NUBPL: variants seen among roughly 807,000 people sequenced by gnomAD.
The protein encoded by NUBPL is iron-sulfur cluster transfer protein NUBPL.
Under a neutral mutation model 45.7 loss-of-function variants are expected in NUBPL, and 31 were observed. The observed-to-expected ratio is 0.68, with a 90% CI of 0.51 to 0.92. The LOEUF (loss-of-function observed/expected upper bound fraction) is 0.92, where lower values mean the gene tolerates loss of function less well. Among genes scored for constraint, NUBPL ranks in the 40% least tolerant of loss-of-function variants. The pLI is 0.00. For missense variants in NUBPL, 401 were observed against 398.7 expected (o/e 1.01, Z -0.05); for synonymous variants, 144 against 140.9 (o/e 1.02, Z -0.15).
intron 9 of NUBPL, among the ~76,000 whole-genome samples, chr14:31,849,348 C>T (rs1047982733): frequency 1.3e-5 from 2 of 152,140 alleles, no homozygotes; most frequent in African/African-American, 4.8e-5. Flanking sequence ...ACTCCACTCA[C>T]TGTGCTTTAA....
At chr14:31,764,648 G>A (rs2038877933) in intron 6 of NUBPL, among the ~76,000 whole-genome samples, 1 of 152,174 alleles carries the variant, frequency 6.6e-6, no homozygotes, top group African/African-American at 2.4e-5. Flanking sequence ...AGATTATTAT[G>A]AGCAAGTCTA....
At chr14:31,679,572 T>A (rs528377654) in intron 6 of NUBPL, among the ~76,000 whole-genome samples, 2 of 152,330 alleles carry the variant, frequency 1.3e-5, no homozygotes, top group East Asian at 1.9e-4. Flanking sequence ...ATTAACCGTA[T>A]GTGTATCATC....
chr14:31,760,110 T>C (rs1323199215), intron 6 of NUBPL, among the ~76,000 whole-genome samples: 1 of 137,680 alleles, frequency 7.3e-6, no homozygotes, highest in Admixed American at 7.7e-5. Context: ...TCTATTACTC[T>C]ATTACTTCTG....
chr14:31,668,197 G>A (rs192969699), intron 4 of NUBPL, among the ~76,000 whole-genome samples: 37 of 152,330 alleles, frequency 2.4e-4, no homozygotes, highest in African/African-American at 6.7e-4. Flanking sequence ...CCAGGGAGAT[G>A]GGGGTTTTAT....
chr14:31,763,477 G>C (rs1264495951), intron 6 of NUBPL, among the ~76,000 whole-genome samples: 1 of 151,940 alleles, frequency 6.6e-6, no homozygotes, highest in Non-Finnish European at 1.5e-5. Context: ...TTCCCCTTAT[G>C]TGTTCATATG....
intron 4 of NUBPL, among the ~76,000 whole-genome samples, chr14:31,639,430 G>C (rs1367292364): frequency 1.3e-5 from 2 of 152,184 alleles, no homozygotes; most frequent in Non-Finnish European, 2.9e-5. Context: ...CTGTATGATC[G>C]TTCCTCTGGA....
chr14:31,719,331 G>A (rs555000206), intron 6 of NUBPL, among the ~76,000 whole-genome samples: 10 of 152,268 alleles, frequency 6.6e-5, no homozygotes, highest in African/African-American at 2.4e-4. Context: ...CATAAGTTGA[G>A]CCATTGTATG....
intron 7 of NUBPL, among the ~76,000 whole-genome samples, chr14:31,819,754 T>C (rs1362272171): frequency 6.6e-6 from 1 of 152,220 alleles, no homozygotes; most frequent in Non-Finnish European, 1.5e-5. Flanking sequence ...TCTCAGCTGA[T>C]AGGAAGCCTT....
intron 4 of NUBPL, among the ~76,000 whole-genome samples, chr14:31,658,122 C>T (rs531573883): frequency 1.3e-5 from 2 of 152,134 alleles, no homozygotes; most frequent in South Asian, 4.1e-4. Flanking sequence ...GGGAAATTGT[C>T]TGGGCATCTT....
chr14:31,622,891 T>C (rs2035103713), intron 4 of NUBPL, among the ~76,000 whole-genome samples: 1 of 152,208 alleles, frequency 6.6e-6, no homozygotes, highest in Non-Finnish European at 1.5e-5. Context: ...GGGCACTTCC[T>C]AGAGGAGCTA....
At chr14:31,705,860 G>A (rs1297811978) in intron 6 of NUBPL, among the ~76,000 whole-genome samples, 2 of 152,176 alleles carry the variant, frequency 1.3e-5, no homozygotes, top group African/African-American at 4.8e-5. Context: ...CCCCGATCAA[G>A]CCCAGCAGGT....
intron 3 of NUBPL, among the ~76,000 whole-genome samples, chr14:31,579,652 A>G (rs955284611): frequency 6.6e-6 from 1 of 152,250 alleles, no homozygotes; most frequent in African/African-American, 2.4e-5. Context: ...GAGCAATTAA[A>G]GCATTAATTA....
intron 6 of NUBPL, among the ~76,000 whole-genome samples, chr14:31,716,727 A>G (rs1036270972): frequency 5.3e-5 from 8 of 152,212 alleles, no homozygotes; most frequent in Admixed American, 5.2e-4. Flanking sequence ...TGTCCTATGG[A>G]TATCTCAAAG....
chr14:31,836,457 A>G (rs2040282847), intron 8 of NUBPL, among the ~76,000 whole-genome samples: 1 of 152,226 alleles, frequency 6.6e-6, no homozygotes, highest in African/African-American at 2.4e-5. Flanking sequence ...CTCTACAATA[A>G]ATACAAACAG....
At position 31,562,117 on chromosome 14, in the gene NUBPL, T is replaced by C. The variant is rs891210024; in HGVS notation, c.158T>C (p.Met53Thr). The C allele has an allele frequency of 1.9e-6, 3 of 1,613,090 alleles. No homozygotes were observed. The highest frequency in any genetic ancestry group is 2.5e-6 in the Non-Finnish European group (3 of 1,179,414). The change falls in exon 2 of 11, where the codon ATG becomes ACG. Residue 53 changes from methionine (M) to threonine (T), a missense_variant. Met to Thr is a moderately conservative substitution (Grantham distance 81). Coordinates refer to ENST00000281081, the MANE Select transcript of NUBPL (RefSeq NM_025152.3). ...CTAAAACAAAGAAGAACACAAATCA[T>C]GTCCCGAGGACTTCCAAAGCAGAAA... Reference protein sequence around the residue: ...ETLKQRRTQIMSRGLPKQKPI... With the variant: ...ETLKQRRTQITSRGLPKQKPI...
intron 4 of NUBPL, among the ~76,000 whole-genome samples, chr14:31,660,943 T>C (rs1176886437): frequency 1.3e-5 from 2 of 152,232 alleles, no homozygotes; most frequent in Non-Finnish European, 2.9e-5. Flanking sequence ...ATGTCAACTT[T>C]AATAGGAAGA....
At chr14:31,667,223 T>C (rs1020894099) in intron 4 of NUBPL, among the ~76,000 whole-genome samples, 1 of 152,146 alleles carries the variant, frequency 6.6e-6, no homozygotes, top group Non-Finnish European at 1.5e-5. Context: ...CATAGTCCCA[T>C]ATTTCTTGGA....
intron 4 of NUBPL, among the ~76,000 whole-genome samples, chr14:31,632,899 AG>A (rs1172230159): frequency 6.6e-6 from 1 of 152,230 alleles, no homozygotes; most frequent in Non-Finnish European, 1.5e-5. Flanking sequence ...ATTGAAGCAT[AG>A]TAGTGGCAAA....
chr14:31,746,695 A>G (rs1834763761), intron 6 of NUBPL, among the ~76,000 whole-genome samples: 1 of 151,984 alleles, frequency 6.6e-6, no homozygotes, highest in Admixed American at 6.6e-5. Context: ...TGCTGATACC[A>G]GACTCATAGA....
Sources: gnomAD v4.1 joint callset for allele counts (sites outside exome capture counted in the v4.1 genomes callset) on GRCh38, gnomAD v4.1.1 for gene constraint, MANE v1.5 for transcripts, NCBI Gene and HGNC (gene_info 2026-07-23, HGNC 2026-07-21) for gene names.